Variants in RBFOX3 observed in about 807,000 individuals in gnomAD.
RBFOX3 encodes the protein RNA binding protein fox-1 homolog 3.
In RBFOX3, 17 loss-of-function variants were observed where a neutral mutation model predicts 48.7. The ratio of observed to expected loss-of-function variants is 0.35; its 90% confidence interval spans 0.24 to 0.52. The LOEUF (loss-of-function observed/expected upper bound fraction) is 0.52. Ranked by LOEUF, RBFOX3 falls within the 20% of genes least tolerant of loss-of-function variation. The pLI, the probability that RBFOX3 is intolerant of heterozygous loss-of-function variation, is 0.94. For missense variants in RBFOX3, 382 were observed against 497.5 expected (o/e 0.77, Z 2.21); for synonymous variants, 212 against 209.5 (o/e 1.01, Z -0.10).
chr17:79,302,105 C>T lies in RBFOX3; in HGVS notation c.-74+5619G>A, dbSNP rs190812963. The stretch of plus-strand genomic sequence containing the variant: ...GAACTAAAGATGGTCAAGATGTTAG[C>T]TTTTGCTCTATGTATTCTAATATAA... On this transcript the variant is annotated intron_variant, in intron 3 of 14. Coordinates refer to ENST00000693108, the MANE Select transcript of RBFOX3 (RefSeq NM_001350451.2). Among the ~76,000 whole-genome samples the T allele has an allele frequency of 3.9e-5, 6 of 152,330 alleles. No individual in the cohort carries two copies. In the East Asian group the frequency reaches 9.6e-4, roughly 24 times the overall value.
Position 79,170,119 on chromosome 17 carries a change from GA to G in RBFOX3, c.-33-54372del, listed in dbSNP as rs199624376. 1.2e-3 allele frequency among the ~76,000 whole-genome samples: 178 copies of G among 144,092 alleles called. 2 individuals carry two copies. The highest frequency in any genetic ancestry group is 4.6e-3 in the African/African-American group (165 of 36,104). The allele number at this position is 144,092 out of a possible 152,430, so 94.5% of individuals were successfully genotyped here. On this transcript the variant is annotated intron_variant, in intron 4 of 14. Transcript: ENST00000693108. ...TGGAAAGCAGGAAAGGAGGAGGAAG[GA>G]AGGAAGGAAGGAGGAAGGAGGGAAG...
intron 4 of RBFOX3, among the ~76,000 whole-genome samples, chr17:79,179,331 T>A (rs897215274): frequency 6.6e-6 from 1 of 152,162 alleles, no homozygotes; most frequent in Non-Finnish European, 1.5e-5. Context: ...AAGAAGCAAT[T>A]GCTGGGCACC....
chr17:79,296,529 G>T (rs1312205004), intron 3 of RBFOX3, among the ~76,000 whole-genome samples: 2 of 152,134 alleles, frequency 1.3e-5, no homozygotes, highest in African/African-American at 4.8e-5. Flanking sequence ...CTGGAGGAGG[G>T]TAGCCCCAGT....
chr17:79,222,897 C>T (rs2059900462), intron 4 of RBFOX3, among the ~76,000 whole-genome samples: 1 of 152,196 alleles, frequency 6.6e-6, no homozygotes, highest in Non-Finnish European at 1.5e-5. Context: ...AAGCAGTTTC[C>T]TCTGTAGCCT....
In RBFOX3 at chr17:79,430,623, G is replaced by A. The variant is rs547326733; in HGVS notation, c.-175+51831C>T. On this transcript the variant is annotated intron_variant, in intron 2 of 14. Transcript: ENST00000693108. ...TACAGTGGCGCCATCTCAGCTCACT[G>A]CAACCACCGCCTCCGGGTTCAAGCG... 5.1e-3 allele frequency among the ~76,000 whole-genome samples: 770 copies of A among 152,308 alleles called. 3 individuals carry two copies. Among genetic ancestry groups the A allele is most frequent in the Non-Finnish European group, 8.0e-3 (544 of 68,034 alleles).
At chr17:79,570,477 T>C (rs1470341407) in intron 1 of RBFOX3, among the ~76,000 whole-genome samples, 3 of 152,296 alleles carry the variant, frequency 2.0e-5, no homozygotes, top group African/African-American at 7.2e-5. Context: ...GACAGATGGA[T>C]GGACAGACAT....
At chr17:79,277,802 G>C (rs567858184) in intron 3 of RBFOX3, among the ~76,000 whole-genome samples, 1 of 152,346 alleles carries the variant, frequency 6.6e-6, no homozygotes, top group African/African-American at 2.4e-5. Context: ...CAGAAGGCTC[G>C]GAGACAGCGT....
intron 3 of RBFOX3, among the ~76,000 whole-genome samples, chr17:79,236,734 C>T (rs1461105527): frequency 2.6e-5 from 4 of 152,106 alleles, no homozygotes; most frequent in East Asian, 1.9e-4. Flanking sequence ...ATCCAGGGCC[C>T]GGGGCCAGGG....
chr17:79,511,741 G>C (rs1372936593), intron 1 of RBFOX3, among the ~76,000 whole-genome samples: 1 of 140,598 alleles, frequency 7.1e-6, no homozygotes, highest in African/African-American at 2.7e-5. Context: ...GTTACCATCG[G>C]GTACAGCCCC....
chr17:79,522,111 T>C (rs1374901143), intron 1 of RBFOX3, among the ~76,000 whole-genome samples: 1 of 152,186 alleles, frequency 6.6e-6, no homozygotes, highest in Non-Finnish European at 1.5e-5. Flanking sequence ...TCCTAAAATG[T>C]GTGGTTGCCT....
intron 2 of RBFOX3, among the ~76,000 whole-genome samples, chr17:79,420,860 A>T (rs1040485283): frequency 1.3e-5 from 2 of 152,178 alleles, no homozygotes; most frequent in Non-Finnish European, 2.9e-5. Context: ...GGAAGTAACA[A>T]TGTGATGTGG....
chr17:79,105,060 A>G (rs1378814057), intron 6 of RBFOX3, among the ~76,000 whole-genome samples: 7 of 152,202 alleles, frequency 4.6e-5, no homozygotes, highest in Non-Finnish European at 8.8e-5. Context: ...AACAGCCCCG[A>G]ACAACACTTC....
chr17:79,224,521 C>A (rs2060096674), intron 4 of RBFOX3, among the ~76,000 whole-genome samples: 1 of 152,186 alleles, frequency 6.6e-6, no homozygotes, highest in African/African-American at 2.4e-5. Flanking sequence ...GCGAAACATC[C>A]CCTGGCCCAT....
intron 9 of RBFOX3, chr17:79,100,387 TAA>T (rs1355742704): frequency 6.6e-6 from 1 of 152,188 alleles, no homozygotes; most frequent in South Asian, 2.1e-4. Context: ...CCCAAATTTT[TAA>T]AAAGAATTTG....
chr17:79,205,971 G>A lies in RBFOX3; in HGVS notation c.-34+29795C>T, dbSNP rs148522861. Among the ~76,000 whole-genome samples the A allele has an allele frequency of 6.2e-4, 94 of 152,034 alleles. No homozygotes were observed. Among genetic ancestry groups the A allele is most frequent in the Middle Eastern group, 3.4e-3 (1 of 294 alleles). ...AATATAGTCTGCAGGGACCTTGGCC[G>A]TTGTGACATTCCAGAGAATATGCTC... On this transcript the variant is annotated intron_variant, in intron 4 of 14. Transcript: ENST00000693108. The surrounding 1 kb of genome is among the most constrained non-coding windows in gnomAD (Gnocchi z 4.5).
chr17:79,163,070 CTGCCAAGCTGAAACAGAG>C (rs1229160638), intron 4 of RBFOX3, among the ~76,000 whole-genome samples: 1 of 152,204 alleles, frequency 6.6e-6, no homozygotes, highest in Non-Finnish European at 1.5e-5. Context: ...GCCCACCTCA[CTGCCAAGCTGAAACAGAG>C]TGGTTCAAGC....
At chr17:79,660,766 A>AT in the RBFOX3 span, among the ~76,000 whole-genome samples, 5 of 152,234 alleles carry the variant, frequency 3.3e-5, no homozygotes, top group African/African-American at 1.2e-4. Flanking sequence ...TGACCCAGCA[A>AT]TCCCATTACT....
At chr17:79,512,089 C>T (rs1231495775) in intron 1 of RBFOX3, among the ~76,000 whole-genome samples, 5 of 130,806 alleles carry the variant, frequency 3.8e-5, no homozygotes, top group African/African-American at 1.2e-4. Context: ...ATATTACCAT[C>T]GAGTACAGCC....
Position 79,296,635 on chromosome 17 carries a change from C to T in RBFOX3, c.-74+11089G>A, listed in dbSNP as rs1004891321. Among the ~76,000 whole-genome samples, 12 of 152,230 alleles carry T rather than the reference C, an allele frequency of 7.9e-5. No homozygotes were observed. The East Asian group carries it at 9.7e-4, about 12-fold the overall frequency. ...CTGGGAGGTTTGCTTCCTCCACACACACCAGCTGTAGACTCTCCCATCTCC... is the reference window on the plus strand; with the variant it reads ...CTGGGAGGTTTGCTTCCTCCACACATACCAGCTGTAGACTCTCCCATCTCC... On this transcript the variant is annotated intron_variant, in intron 3 of 14. Coordinates refer to ENST00000693108, the MANE Select transcript of RBFOX3 (RefSeq NM_001350451.2).
Sources: gnomAD v4.1 joint callset for allele counts (sites outside exome capture counted in the v4.1 genomes callset) on GRCh38, gnomAD v4.1.1 for gene constraint, Gnocchi (gnomAD v3.1) non-coding constraint, MANE v1.5 for transcripts, NCBI Gene and HGNC (gene_info 2026-07-23, HGNC 2026-07-21) for gene names.